PTPRN2: variants seen among roughly 807,000 people sequenced by gnomAD.
PTPRN2 encodes protein tyrosine phosphatase receptor type N2.
In PTPRN2, 74 loss-of-function variants were observed where a neutral mutation model predicts 118.8. The ratio of observed to expected loss-of-function variants is 0.62; its 90% CI spans 0.52 to 0.76. The LOEUF is 0.76. PTPRN2 is among the 30% of genes least tolerant of loss of function. The pLI is 0.00. For missense variants in PTPRN2, 1,481 were observed against 1,394.4 expected (o/e 1.06, Z -0.99); for synonymous variants, 641 against 608.0 (o/e 1.05, Z -0.80).
At chr7:158,317,911 C>G (rs1802473311) in intron 2 of PTPRN2, among the ~76,000 whole-genome samples, 1 of 152,190 alleles carries the variant, frequency 6.6e-6, no homozygotes, top group African/African-American at 2.4e-5. Context: ...CAGAAAATAA[C>G]CTCGAGTATT....
At position 157,893,791 on chromosome 7, in the gene PTPRN2, G is replaced by C. The variant is rs1384693096; in HGVS notation, c.1788+4882C>G. Among the ~76,000 whole-genome samples the C allele has an allele frequency of 1.3e-5, 2 of 152,214 alleles. No homozygotes were observed. The highest frequency in any genetic ancestry group is 2.9e-5 in the Non-Finnish European group (2 of 68,050). ...TAACATAAAAAGCCAGGGCCCAGGT[G>C]AGTTCCCCACAGGAGACAGCACCGG... On this transcript the variant is annotated intron_variant, in intron 12 of 22. Transcript: ENST00000389418. The surrounding 1 kb of genome is among the most constrained non-coding windows in gnomAD (Gnocchi z 4.0).
rs113718852 is a variant in PTPRN2, at chr7:157,831,367, G to C, written c.1788+67306C>G. Among the ~76,000 whole-genome samples the C allele has an allele frequency of 6.6e-6, 1 of 152,204 alleles. No individual in the cohort carries two copies. Among genetic ancestry groups the C allele is most frequent in the Non-Finnish European group, 1.5e-5 (1 of 68,026 alleles). ...TATCCTGTAGTCTAAGCCTTCTCTC[G>C]TTGGGGTTTTCTGTTATTTCTTCCC... On this transcript the variant is annotated intron_variant, in intron 12 of 22. Transcript: ENST00000389418. This position sits in a 1 kb window ranked among gnomAD's most constrained non-coding sequence, Gnocchi z 4.8.
intron 1 of PTPRN2, among the ~76,000 whole-genome samples, chr7:158,571,121 G>T (rs1828005366): frequency 6.6e-6 from 1 of 152,024 alleles, no homozygotes; most frequent in Admixed American, 6.5e-5. Context: ...GCAAGGCTTG[G>T]AATATTTTTT....
At chr7:157,805,764 A>G (rs1338011071) in intron 12 of PTPRN2, among the ~76,000 whole-genome samples, 1 of 152,194 alleles carries the variant, frequency 6.6e-6, no homozygotes, top group Non-Finnish European at 1.5e-5. Flanking sequence ...GAACAGAAGC[A>G]ATTCAAAAGG....
chr7:157,965,611 T>A (rs575135246), intron 11 of PTPRN2, among the ~76,000 whole-genome samples: 1 of 152,324 alleles, frequency 6.6e-6, no homozygotes, highest in South Asian at 2.1e-4. Flanking sequence ...CCCAGTGCCA[T>A]GAGAACTGGG....
chr7:158,478,380 G>A (rs368544730), intron 2 of PTPRN2, among the ~76,000 whole-genome samples: 9 of 152,284 alleles, frequency 5.9e-5, no homozygotes, highest in African/African-American at 1.2e-4. Context: ...CCTGGCATTC[G>A]GTGCTGTGCG....
chr7:158,295,626 T>C (rs1221336664), intron 3 of PTPRN2, among the ~76,000 whole-genome samples: 1 of 149,030 alleles, frequency 6.7e-6, no homozygotes, highest in Admixed American at 6.6e-5. Context: ...TCACCCATCT[T>C]TATGAGGGTC....
intron 12 of PTPRN2, among the ~76,000 whole-genome samples, chr7:157,751,909 C>T (rs754235886): frequency 2.6e-5 from 4 of 152,080 alleles, no homozygotes; most frequent in African/African-American, 7.2e-5. Flanking sequence ...CTCCGCTTTT[C>T]GCTATGGGCA....
chr7:157,788,226 G>T (rs763470319), intron 12 of PTPRN2, among the ~76,000 whole-genome samples: 23 of 151,994 alleles, frequency 1.5e-4, no homozygotes, highest in Non-Finnish European at 2.5e-4. Context: ...GTACAAAAAA[G>T]TAGCCAGGTG....
chr7:157,981,851 G>A (rs1222147703), intron 11 of PTPRN2, among the ~76,000 whole-genome samples: 1 of 152,276 alleles, frequency 6.6e-6, no homozygotes. Context: ...GCTTTGCAAA[G>A]CAGCAGTTCT....
At chr7:157,930,851 G>A (rs981938381) in intron 11 of PTPRN2, among the ~76,000 whole-genome samples, 2 of 152,138 alleles carry the variant, frequency 1.3e-5, no homozygotes, top group African/African-American at 2.4e-5. Flanking sequence ...ATTTTTGGCT[G>A]CCTAAATTAT....
At chr7:158,384,530 C>A (rs1811186541) in intron 2 of PTPRN2, among the ~76,000 whole-genome samples, 1 of 152,162 alleles carries the variant, frequency 6.6e-6, no homozygotes, top group Non-Finnish European at 1.5e-5. Flanking sequence ...TACACAAAGC[C>A]AGACACTTAG....
intron 1 of PTPRN2, among the ~76,000 whole-genome samples, chr7:158,567,693 G>C (rs1827744675): frequency 6.6e-6 from 1 of 152,192 alleles, no homozygotes; most frequent in African/African-American, 2.4e-5. Flanking sequence ...GTGCCGAAAG[G>C]GGTAGAGACA....
At position 158,039,355 on chromosome 7, in the gene PTPRN2, C is replaced by T. The variant is rs765161636; in HGVS notation, c.1723+41943G>A. Among the ~76,000 whole-genome samples, 43 of 152,186 alleles carry T rather than the reference C, an allele frequency of 2.8e-4. 1 individual carries two copies. Among genetic ancestry groups the T allele is most frequent in the Admixed American group, 1.4e-3 (21 of 15,280 alleles). On this transcript the variant is annotated intron_variant, in intron 11 of 22. Coordinates refer to ENST00000389418, the MANE Select transcript of PTPRN2 (RefSeq NM_002847.5). ...GGAAAAGAAAAAGCTGAGAAGTCCT[C>T]TTGAGGTCACAGCCCAGGTGTGCAG... is the stretch of plus-strand genomic sequence containing the variant.
intron 3 of PTPRN2, among the ~76,000 whole-genome samples, chr7:158,308,028 C>A (rs1264709430): frequency 6.6e-6 from 1 of 152,156 alleles, no homozygotes; most frequent in Non-Finnish European, 1.5e-5. Flanking sequence ...TGCCCCTCAA[C>A]CTTGAACTTC....
intron 3 of PTPRN2, among the ~76,000 whole-genome samples, chr7:158,295,983 A>T (rs1800473394): frequency 6.6e-6 from 1 of 152,222 alleles, no homozygotes; most frequent in Admixed American, 6.5e-5. Context: ...AAACAGAAAG[A>T]TGAGTTTGGA....
At position 158,565,477 on chromosome 7, in the gene PTPRN2, C is replaced by T. The variant is rs1023484218; in HGVS notation, c.112+22081G>A. On this transcript the variant is annotated intron_variant, in intron 1 of 22. Coordinates refer to ENST00000389418, the MANE Select transcript of PTPRN2 (RefSeq NM_002847.5). The surrounding 1 kb of genome is among the most constrained non-coding windows in gnomAD (Gnocchi z 4.6). ...CACCTCTGCTGAGCACAAAGGTGGA[C>T]GTGTCCCCAAAATAGCAGCTTTGCT... is the stretch of plus-strand genomic sequence containing the variant. Among the ~76,000 whole-genome samples, 5 of 152,122 alleles carry T rather than the reference C, an allele frequency of 3.3e-5. No homozygotes were observed. Among genetic ancestry groups the T allele is most frequent in the African/African-American group, 7.2e-5 (3 of 41,410 alleles).
In PTPRN2 at chr7:157,773,504, G is replaced by A. The variant is rs931267932; in HGVS notation, c.1789-90567C>T. 4.6e-5 allele frequency among the ~76,000 whole-genome samples: 7 copies of A among 152,192 alleles called. No homozygotes were observed. In the East Asian group the frequency reaches 5.8e-4, roughly 13 times the overall value. On this transcript the variant is annotated intron_variant, in intron 12 of 22. Transcript: ENST00000389418. ...TGTCTTCATCTGGGGAGAAGAGCCC[G>A]TGCTCAGTTTTCTCCATCAGCCCGC...
chr7:157,717,471 G>A (rs1389142459), intron 12 of PTPRN2, among the ~76,000 whole-genome samples: 2 of 152,284 alleles, frequency 1.3e-5, no homozygotes, highest in African/African-American at 4.8e-5. Flanking sequence ...CAAAGGCTAA[G>A]CCTGCAGTGA....
Sources: gnomAD v4.1 joint callset for allele counts (sites outside exome capture counted in the v4.1 genomes callset) on GRCh38, gnomAD v4.1.1 for gene constraint, Gnocchi (gnomAD v3.1) non-coding constraint, MANE v1.5 for transcripts, NCBI Gene and HGNC (gene_info 2026-07-23, HGNC 2026-07-21) for gene names.